KRT79: variants seen among roughly 807,000 people sequenced by gnomAD.
KRT79 encodes the protein keratin, type II cytoskeletal 79.
A neutral mutation model predicts 49.0 loss-of-function variants in KRT79; 51 were observed. That is an observed-to-expected ratio of 1.04 (90% CI 0.83 to 1.31). The LOEUF (loss-of-function observed/expected upper bound fraction) is 1.31, where lower values mean the gene tolerates loss of function less well. Among genes scored for constraint, KRT79 ranks in the 40% most tolerant of loss-of-function variants. The pLI is 0.00. For missense variants in KRT79, 728 were observed against 688.0 expected (o/e 1.06, Z -0.65); for synonymous variants, 312 against 286.6 (o/e 1.09, Z -0.90).
Position 52,830,070 on chromosome 12 carries a change from C to T in KRT79, c.808G>A (p.Gly270Ser). 1 of 1,614,176 alleles carries T rather than the reference C, an allele frequency of 6.2e-7. No homozygotes were observed. The highest frequency in any genetic ancestry group is 1.1e-5 in the South Asian group (1 of 91,076). Residue 270 changes from glycine to serine, a missense_variant, in exon 4 of 9, where the codon GGC becomes AGC. By Grantham distance (56) the Gly-to-Ser change is moderately conservative. Transcript: ENST00000330553. ...MGRMDLHGKV[G>S]TLTQEIDFLQ... ...AAGTCAATCTCCTGGGTCAAGGTGC[C>T]CACTTTGCCATGCAGATCCATCCGG...
intron 4 of KRT79, among the ~76,000 whole-genome samples, chr12:52,825,037 C>G (rs1471092129): frequency 6.6e-6 from 1 of 152,192 alleles, no homozygotes; most frequent in Non-Finnish European, 1.5e-5. Flanking sequence ...CATAAGTAGG[C>G]TTCAGGATGC....
intron 4 of KRT79, among the ~76,000 whole-genome samples, chr12:52,828,016 G>A (rs1462087845): frequency 1.1e-4 from 16 of 152,068 alleles, no homozygotes; most frequent in Admixed American, 1.0e-3. Flanking sequence ...CGCAGCAAAT[G>A]GCCTGATTTT....
At chr12:52,822,577 G>A (rs1478050148) in intron 7 of KRT79, among the ~76,000 whole-genome samples, 198 bp from the exon 8 acceptor site, 1 of 152,206 alleles carries the variant, frequency 6.6e-6, no homozygotes, top group Admixed American at 6.5e-5. Context: ...CCACCAGTAG[G>A]CTGTGCCAAC....
Position 52,831,400 on chromosome 12 carries a change from C to T in KRT79, c.698+6G>A, listed in dbSNP as rs1345425241. The T allele has an allele frequency of 8.1e-6, 13 of 1,613,932 alleles. No homozygotes were observed. The highest frequency in any genetic ancestry group is 1.1e-5 in the Non-Finnish European group (13 of 1,179,800). On this transcript the variant is annotated splice_donor_region_variant and intron_variant, in intron 2 of 8. Coordinates refer to ENST00000330553, the MANE Select transcript of KRT79 (RefSeq NM_175834.3). ...CACATGGCCCCGCCTGGCCTGCTCT[C>T]CTCACTTGTTCTTGAAGTCCTCCAC...
chr12:52,834,069 G>A lies in KRT79; in HGVS notation c.192C>T (p.Asn64=). The A allele has an allele frequency of 6.2e-7, 1 of 1,613,578 alleles. No individual in the cohort carries two copies. Among genetic ancestry groups the A allele is most frequent in the Non-Finnish European group, 8.5e-7 (1 of 1,179,910 alleles). The change falls in exon 1 of 9, where the codon AAC becomes AAT. Residue 64 remains asparagine (N), a synonymous_variant. Coordinates refer to ENST00000330553, the MANE Select transcript of KRT79 (RefSeq NM_175834.3). The part of the protein sequence containing the change: ...TGGFGSRSLY[N]LGGHKSISVS... ...CAGAGATACTCTTGTGGCCCCCCAA[G>A]TTATAGAGGCTTCGGCTGCCAAAGC...
At position 52,821,699 on chromosome 12, in the gene KRT79, A is replaced by C. The variant is rs1940089750; in HGVS notation, c.*173T>G. 1.6e-6 allele frequency: 1 copy of C among 636,682 alleles called. No individual in the cohort carries two copies. The highest frequency in any genetic ancestry group is 2.7e-5 in the Admixed American group (1 of 36,774). 39.4% of individuals were successfully genotyped at this position (636,682 alleles called of 1,614,324 possible). A position where few individuals can be genotyped will look rare whatever the true frequency, so the allele number is the denominator to read the frequency against. On this transcript the variant is annotated 3_prime_UTR_variant, in exon 9 of 9. Coordinates refer to ENST00000330553, the MANE Select transcript of KRT79 (RefSeq NM_175834.3). ...CCCATCCTACTGCAGGACCAAGGAGAAAACCTGAGTAGATTTGAGCGCTTC... is the reference window on the plus strand; with the variant it reads ...CCCATCCTACTGCAGGACCAAGGAGCAAACCTGAGTAGATTTGAGCGCTTC...
chr12:52,830,058 G>A lies in KRT79; in HGVS notation c.820C>T (p.Gln274Ter). The A allele has an allele frequency of 6.2e-7, 1 of 1,614,152 alleles. No homozygotes were observed. The highest frequency in any genetic ancestry group is 8.5e-7 in the Non-Finnish European group (1 of 1,180,028). ...DLHGKVGTLT[Q>*]EIDFLQQLYE... ...AGTTGCTGCAGGAAGTCAATCTCCTGGGTCAAGGTGCCCACTTTGCCATGC... is the reference window on the plus strand; with the variant it reads ...AGTTGCTGCAGGAAGTCAATCTCCTAGGTCAAGGTGCCCACTTTGCCATGC... Residue 274 changes from glutamine to a stop codon, truncating the protein, a stop_gained, in exon 4 of 9, where the codon CAG (glutamine) becomes TAG (stop). Transcript: ENST00000330553. LOFTEE classifies it high-confidence loss of function.
Position 52,834,179 on chromosome 12 carries a change from G to A in KRT79, c.82C>T (p.Gln28Ter), listed in dbSNP as rs1940302389. Residue 28 changes from glutamine to a stop codon, truncating the protein, a stop_gained, in exon 1 of 9, where the codon CAG becomes TAG. Transcript: ENST00000330553. LOFTEE classifies it high-confidence loss of function. ...SNSASGGSGSQARTSFSSVTV... is the reference protein window; with the variant it reads ...SNSASGGSGS ...ACTGAGCTGAAGCTGGTGCGGGCCT[G>A]GGACCCACTCCCTCCGCTGGCAGAG... 6.2e-7 allele frequency: 1 copy of A among 1,613,702 alleles called. No homozygotes were observed. The highest frequency in any genetic ancestry group is 1.7e-5 in the Admixed American group (1 of 59,990).
chr12:52,826,510 C>G (rs1312154239), intron 4 of KRT79, among the ~76,000 whole-genome samples: 37 of 102,706 alleles, frequency 3.6e-4, no homozygotes, highest in African/African-American at 1.4e-3. Context: ...GAGACCCTGT[C>G]TCAAAAAAAA....
rs142803273 is a variant in KRT79, at chr12:52,826,598, T to C, written c.856-2236A>G. ...GAAAGAGCTCTGTGAATCGCTAAGGTGTGTGTCTCCTTAGACACCAGGGAC... is the reference window on the plus strand; with the variant it reads ...GAAAGAGCTCTGTGAATCGCTAAGGCGTGTGTCTCCTTAGACACCAGGGAC... On this transcript the variant is annotated intron_variant, in intron 4 of 8. Transcript: ENST00000330553. 5.8e-3 allele frequency among the ~76,000 whole-genome samples: 855 copies of C among 147,204 alleles called. 8 individuals carry two copies. Among genetic ancestry groups the C allele is most frequent in the African/African-American group, 0.021 (813 of 39,606 alleles).
Position 52,830,068 on chromosome 12 carries a change from G to A in KRT79, c.810C>T (p.Gly270=), listed in dbSNP as rs183138748. 2.9e-5 allele frequency: 47 copies of A among 1,614,140 alleles called. No homozygotes were observed. In the East Asian group the frequency reaches 9.6e-4, roughly 33 times the overall value. Reference sequence around the variant, plus strand: ...GGAAGTCAATCTCCTGGGTCAAGGTGCCCACTTTGCCATGCAGATCCATCC... The same window carrying A: ...GGAAGTCAATCTCCTGGGTCAAGGTACCCACTTTGCCATGCAGATCCATCC... ...MGRMDLHGKV[G]TLTQEIDFLQ... is the part of the protein sequence containing the mutation. Residue 270 remains glycine, a synonymous_variant, in exon 4 of 9, where the codon GGC becomes GGT. Coordinates refer to ENST00000330553, the MANE Select transcript of KRT79 (RefSeq NM_175834.3).
At position 52,824,212 on chromosome 12, in the gene KRT79, A is replaced by T. The variant is rs772056211; in HGVS notation, c.1006T>A (p.Trp336Arg). The change falls in exon 5 of 9, where the codon TGG becomes AGG. Residue 336 changes from tryptophan to arginine, a missense_variant. Transcript: ENST00000330553. ...AQRSRAEAEAWYQTKYEELQV... is the reference protein window; with the variant it reads ...AQRSRAEAEARYQTKYEELQV... ...ATGCCTCTCACCTTGGTCTGGTACC[A>T]GGCCTCGGCCTCAGCCCGGCTCCTC... 6.2e-7 allele frequency: 1 copy of T among 1,614,216 alleles called. No homozygotes were observed. The highest frequency in any genetic ancestry group is 8.5e-7 in the Non-Finnish European group (1 of 1,180,034).
rs755090540 is a variant in KRT79 at position 52,834,170 on chromosome 12, T to A, written c.91A>T (p.Thr31Ser). The change falls in exon 1 of 9, where the codon ACC (threonine) becomes TCC (serine). Residue 31 changes from threonine to serine, a missense_variant. Coordinates refer to ENST00000330553, the MANE Select transcript of KRT79 (RefSeq NM_175834.3). ...ASGGSGSQAR[T>S]SFSSVTVSRS... ...GACACCGTCACTGAGCTGAAGCTGGTGCGGGCCTGGGACCCACTCCCTCCG... is the reference window on the plus strand; with the variant it reads ...GACACCGTCACTGAGCTGAAGCTGGAGCGGGCCTGGGACCCACTCCCTCCG... The A allele has an allele frequency of 6.2e-7, 1 of 1,613,492 alleles. No individual in the cohort carries two copies. The highest frequency in any genetic ancestry group is 8.5e-7 in the Non-Finnish European group (1 of 1,179,914).
chr12:52,825,682 A>G (rs1168142542), intron 4 of KRT79, among the ~76,000 whole-genome samples: 1 of 152,212 alleles, frequency 6.6e-6, no homozygotes, highest in Non-Finnish European at 1.5e-5. Context: ...ATTGTCTTTC[A>G]AAAAGTGGGA....
chr12:52,833,866 T>C lies in KRT79; in HGVS notation c.395A>G (p.Asp132Gly). Residue 132 changes from aspartate to glycine, a missense_variant, in exon 1 of 9, where the codon GAC becomes GGC. Coordinates refer to ENST00000330553, the MANE Select transcript of KRT79 (RefSeq NM_175834.3). Reference sequence around the variant, plus strand: ...AGTGCGCACTCGCTGGATCTCGGGGTCAATCTCCACATGGAGGGGGGTCAG... The same window carrying C: ...AGTGCGCACTCGCTGGATCTCGGGGCCAATCTCCACATGGAGGGGGGTCAG... ...SLLTPLHVEI[D>G]PEIQRVRTQE... 6.2e-7 allele frequency: 1 copy of C among 1,612,658 alleles called. No homozygotes were observed. Among genetic ancestry groups the C allele is most frequent in the East Asian group, 2.2e-5 (1 of 44,790 alleles).
chr12:52,826,620 G>T lies in KRT79; in HGVS notation c.856-2258C>A, dbSNP rs73305818. ...AGGTGTGTGTCTCCTTAGACACCAG[G>T]GACTCTAAGGGGGAAAGACAGTGGA... On this transcript the variant is annotated intron_variant, in intron 4 of 8. Transcript: ENST00000330553. 6.6e-3 allele frequency among the ~76,000 whole-genome samples: 1,001 copies of T among 152,188 alleles called. 9 individuals carry two copies. Among genetic ancestry groups the T allele is most frequent in the African/African-American group, 0.023 (951 of 41,534 alleles).
intron 1 of KRT79, 25 bp downstream of exon 1, chr12:52,833,759 C>G (rs1940290550): frequency 1.9e-6 from 3 of 1,587,298 alleles, no homozygotes; most frequent in Non-Finnish European, 2.6e-6. Context: ...CCAAGAGCTC[C>G]CTTCCTCCTT....
Position 52,831,528 on chromosome 12 carries a change from C to T in KRT79, c.576G>A (p.Glu192=), listed in dbSNP as rs772953032. ...QNLGVTRNNL[E]PLFEAYLGSM... ...TACCCAGGTAGGCCTCAAAGAGGGG[C>T]TCCAGGTTGTTCCTGGTGACACCCA... is the stretch of plus-strand genomic sequence containing the variant. Residue 192 remains glutamate, a synonymous_variant, in exon 2 of 9, where the codon GAG becomes GAA. Coordinates refer to ENST00000330553, the MANE Select transcript of KRT79 (RefSeq NM_175834.3). 3 of 1,614,272 alleles carry T rather than the reference C, an allele frequency of 1.9e-6. No individual in the cohort carries two copies.
chr12:52,826,868 C>T (rs1940182777), intron 4 of KRT79, among the ~76,000 whole-genome samples: 1 of 152,156 alleles, frequency 6.6e-6, no homozygotes, highest in Non-Finnish European at 1.5e-5. Flanking sequence ...ATGCTGGTTC[C>T]GTGACTGATC....
Sources: gnomAD v4.1 joint callset for allele counts (sites outside exome capture counted in the v4.1 genomes callset) on GRCh38, gnomAD v4.1.1 for gene constraint, MANE v1.5 for transcripts, NCBI Gene and HGNC (gene_info 2026-07-23, HGNC 2026-07-21) for gene names.